SAMD12: variants seen among roughly 807,000 people sequenced by gnomAD.
SAMD12 encodes sterile alpha motif domain containing 12.
SAMD12 carries 9 observed loss-of-function variants against 15.0 expected under a neutral mutation model. The observed-to-expected ratio is 0.60, with a 90% CI of 0.36 to 1.05. The LOEUF is 1.05. SAMD12 is among the 50% of genes least tolerant of loss of function. The pLI, the probability that SAMD12 is intolerant of heterozygous loss-of-function variation, is 0.01. For missense variants in SAMD12, 230 were observed against 234.2 expected, an observed-to-expected ratio of 0.98 and a Z score of 0.12; for synonymous variants, 86 against 90.1, an observed-to-expected ratio of 0.96 and a Z score of 0.25.
chr8:118,252,814 G>T (rs987146484), intron 4 of SAMD12, among the ~76,000 whole-genome samples: 1 of 152,170 alleles, frequency 6.6e-6, no homozygotes, highest in Non-Finnish European at 1.5e-5. Flanking sequence ...TCCCTCCAAA[G>T]AGCTGAAATC....
the SAMD12 span, among the ~76,000 whole-genome samples, chr8:118,132,471 A>G: frequency 6.6e-6 from 1 of 152,236 alleles, no homozygotes; most frequent in Admixed American, 6.5e-5. Context: ...TTTATCATCA[A>G]TTCAAGTTTC....
At chr8:118,420,281 C>G (rs573312900) in intron 3 of SAMD12, among the ~76,000 whole-genome samples, 24 of 152,214 alleles carry the variant, frequency 1.6e-4, no homozygotes, top group Non-Finnish European at 3.1e-4. Flanking sequence ...GCATGTGCCT[C>G]TGTGTGTGTT....
chr8:118,134,594 G>A, the SAMD12 span, among the ~76,000 whole-genome samples: 1 of 152,174 alleles, frequency 6.6e-6, no homozygotes, highest in Non-Finnish European at 1.5e-5. Flanking sequence ...CTCTGGAGCA[G>A]GGAGGGTCCA....
intron 3 of SAMD12, among the ~76,000 whole-genome samples, chr8:118,383,489 G>A (rs1819778493): frequency 6.6e-6 from 1 of 151,562 alleles, no homozygotes; most frequent in South Asian, 2.1e-4. Context: ...GAATGAAAAG[G>A]GGGGCTGCCA....
At chr8:118,367,981 C>T (rs972147712) in intron 4 of SAMD12, among the ~76,000 whole-genome samples, 2 of 152,142 alleles carry the variant, frequency 1.3e-5, no homozygotes, top group African/African-American at 4.8e-5. Context: ...GGAAAAGATG[C>T]TAATCAGGAT....
chr8:118,435,329 T>C (rs1274883662), intron 3 of SAMD12, among the ~76,000 whole-genome samples: 1 of 152,172 alleles, frequency 6.6e-6, no homozygotes, highest in Non-Finnish European at 1.5e-5. Context: ...CATTAGTTCT[T>C]GTTAATCTCT....
chr8:118,312,665 C>T (rs1385289800), intron 4 of SAMD12, among the ~76,000 whole-genome samples: 2 of 152,178 alleles, frequency 1.3e-5, no homozygotes, highest in African/African-American at 2.4e-5. Context: ...AATATCCATG[C>T]AGGACAGGCT....
chr8:118,148,623 C>G, the SAMD12 span, among the ~76,000 whole-genome samples: 88 of 152,156 alleles, frequency 5.8e-4, no homozygotes, highest in African/African-American at 2.1e-3. Context: ...TACCACAATC[C>G]AGTTCTAGAA....
At chr8:118,132,514 C>A in the SAMD12 span, among the ~76,000 whole-genome samples, 1 of 152,116 alleles carries the variant, frequency 6.6e-6, no homozygotes, top group Non-Finnish European at 1.5e-5. Flanking sequence ...GACCCACTCC[C>A]CACAACTGCT....
At chr8:118,173,064 G>C in the SAMD12 span, among the ~76,000 whole-genome samples, 1 of 152,248 alleles carries the variant, frequency 6.6e-6, no homozygotes, top group Non-Finnish European at 1.5e-5. Flanking sequence ...AGGGTTTTCT[G>C]TCCCTTGCAT....
intron 4 of SAMD12, among the ~76,000 whole-genome samples, chr8:118,313,368 T>C (rs1038428006): frequency 6.6e-5 from 10 of 152,188 alleles, no homozygotes; most frequent in Non-Finnish European, 1.3e-4. Flanking sequence ...TCCTCACTTG[T>C]ATTTCTCCAC....
chr8:118,432,186 A>T (rs533221752), intron 3 of SAMD12, among the ~76,000 whole-genome samples: 2 of 152,300 alleles, frequency 1.3e-5, no homozygotes, highest in South Asian at 4.1e-4. Flanking sequence ...CATATTGATC[A>T]TACTTATTTT....
chr8:118,397,951 C>T (rs1405306048), intron 3 of SAMD12, among the ~76,000 whole-genome samples: 1 of 152,148 alleles, frequency 6.6e-6, no homozygotes, highest in African/African-American at 2.4e-5. Context: ...ATCACCATGC[C>T]TGGATAATTT....
intron 4 of SAMD12, among the ~76,000 whole-genome samples, chr8:118,297,306 G>C (rs1330912129): frequency 6.6e-6 from 1 of 152,116 alleles, no homozygotes. Context: ...CAGTTGCTCT[G>C]CATTTTTGTC....
At chr8:118,345,883 G>A (rs1460614936) in intron 4 of SAMD12, among the ~76,000 whole-genome samples, 1 of 152,162 alleles carries the variant, frequency 6.6e-6, no homozygotes, top group African/African-American at 2.4e-5. Flanking sequence ...TTGGCATCTG[G>A]AAAACACATA....
intron 1 of SAMD12, among the ~76,000 whole-genome samples, chr8:118,594,144 C>T (rs367891619): frequency 8.6e-5 from 13 of 151,484 alleles, no homozygotes; most frequent in African/African-American, 2.9e-4. Context: ...TCTGGTAAAG[C>T]TCACAGTTTA....
At chr8:118,260,834 GTAACAGCTCCCC>G (rs1813060791) in intron 4 of SAMD12, among the ~76,000 whole-genome samples, 1 of 152,174 alleles carries the variant, frequency 6.6e-6, no homozygotes, top group South Asian at 2.1e-4. Context: ...CCAAGGAGTG[GTAACAGCTCCCC>G]GCTGTTATGA....
intron 1 of SAMD12, among the ~76,000 whole-genome samples, chr8:118,604,958 G>A (rs554744838): frequency 6.6e-6 from 1 of 151,978 alleles, no homozygotes; most frequent in Non-Finnish European, 1.5e-5. Context: ...TAAATAAAAT[G>A]TCATGAAAAT....
At chr8:118,600,902 G>C (rs1563606054) in intron 1 of SAMD12, among the ~76,000 whole-genome samples, 2 of 152,060 alleles carry the variant, frequency 1.3e-5, no homozygotes, top group African/African-American at 2.4e-5. Context: ...AAAGAGGATA[G>C]AGAATTTATT....
Sources: gnomAD v4.1 joint callset for allele counts (sites outside exome capture counted in the v4.1 genomes callset) on GRCh38, gnomAD v4.1.1 for gene constraint, MANE v1.5 for transcripts, NCBI Gene and HGNC (gene_info 2026-07-23, HGNC 2026-07-21) for gene names.